ALMS1: variants seen among roughly 807,000 people sequenced by gnomAD.
ALMS1 encodes the protein centrosome-associated protein ALMS1.
ALMS1 carries 271 observed loss-of-function variants against 352.2 expected under a neutral mutation model. That is an observed-to-expected ratio of 0.77 (90% CI 0.70 to 0.85). ALMS1 has a LOEUF of 0.85. Ranked by LOEUF, ALMS1 falls within the 40% of genes least tolerant of loss-of-function variation. The pLI is 0.00. For synonymous variants in ALMS1, 1,865 were observed against 1,761.2 expected (o/e 1.06, Z -1.48); for missense variants, 5,445 against 4,870.7 (o/e 1.12, Z -3.51).
At chr2:73,491,814 T>C (rs187362865) in intron 10 of ALMS1, among the ~76,000 whole-genome samples, 64 of 152,352 alleles carry the variant, frequency 4.2e-4, no homozygotes, top group African/African-American at 1.5e-3. Flanking sequence ...GTTGGACATA[T>C]GCTGAAGATC....
intron 7 of ALMS1, among the ~76,000 whole-genome samples, chr2:73,444,947 A>G (rs1671778315): frequency 6.6e-6 from 1 of 152,166 alleles, no homozygotes; most frequent in South Asian, 2.1e-4. Flanking sequence ...TAAAAATGAT[A>G]TAGTAATTAA....
At chr2:73,401,635 C>T (rs998932031) in intron 1 of ALMS1, among the ~76,000 whole-genome samples, 1 of 148,922 alleles carries the variant, frequency 6.7e-6, no homozygotes, top group African/African-American at 2.5e-5. Flanking sequence ...AAATGGTTGC[C>T]ATAGTCAAGC....
At position 73,396,708 on chromosome 2, in the gene ALMS1, G is replaced by T. The variant is rs534491676; in HGVS notation, c.324+10516G>T. ...GCACAGGCTGGGGGTGCAGTGGCGC[G>T]ATCTCAGCTCACTGCAAGCTCCGCC... is the stretch of plus-strand genomic sequence containing the variant. On this transcript the variant is annotated intron_variant, in intron 1 of 22. Coordinates refer to ENST00000613296, the MANE Select transcript of ALMS1 (RefSeq NM_001378454.1). Among the ~76,000 whole-genome samples the T allele has an allele frequency of 4.6e-3, 694 of 149,610 alleles. 3 individuals carry two copies. The highest frequency in any genetic ancestry group is 1.0e-2 in the South Asian group (47 of 4,722).
chr2:73,519,962 A>G lies in ALMS1; in HGVS notation c.9727A>G (p.Lys3243Glu), dbSNP rs1459483564. The stretch of plus-strand genomic sequence containing the variant: ...CCAGAAGCTACGCAAAGCTCCTGTC[A>G]AGTTTGCCTCATCATCTTCAGTCCA... ...GNQKLRKAPVKFASSSSVQQV... is the reference protein window; with the variant it reads ...GNQKLRKAPVEFASSSSVQQV... The change falls in exon 11 of 23, where the codon AAG (lysine) becomes GAG (glutamate). Residue 3243 changes from lysine (K) to glutamate (E), a missense_variant. Transcript: ENST00000613296. 1 of 1,614,106 alleles carries G rather than the reference A, an allele frequency of 6.2e-7. No individual in the cohort carries two copies. The highest frequency in any genetic ancestry group is 1.7e-5 in the Admixed American group (1 of 60,026).
At chr2:73,588,074 T>A (rs527471613) in intron 16 of ALMS1, among the ~76,000 whole-genome samples, 3 of 152,200 alleles carry the variant, frequency 2.0e-5, no homozygotes, top group African/African-American at 7.2e-5. Flanking sequence ...GATTCACAGC[T>A]GAATTCTATC....
At chr2:73,499,168 G>C (rs1372161043) in intron 10 of ALMS1, among the ~76,000 whole-genome samples, 1 of 152,038 alleles carries the variant, frequency 6.6e-6, no homozygotes, top group Non-Finnish European at 1.5e-5. Flanking sequence ...TCTCATTGTA[G>C]TTTTTAGTTT....
chr2:73,567,793 T>C (rs1445499572), intron 15 of ALMS1, among the ~76,000 whole-genome samples: 1 of 152,188 alleles, frequency 6.6e-6, no homozygotes, highest in Non-Finnish European at 1.5e-5. Context: ...AAGTTCTGGT[T>C]TTCTGACTTT....
chr2:73,485,977 A>G (rs960190257), intron 9 of ALMS1, among the ~76,000 whole-genome samples: 29 of 151,640 alleles, frequency 1.9e-4, no homozygotes, highest in Admixed American at 1.8e-3. Flanking sequence ...ACTGTCTGGC[A>G]CTCCCTAGTT....
At chr2:73,568,191 G>T (rs193061684) in intron 15 of ALMS1, among the ~76,000 whole-genome samples, 29 of 152,164 alleles carry the variant, frequency 1.9e-4, no homozygotes, top group African/African-American at 6.0e-4. Context: ...CAGATGAAAA[G>T]ATTTGATTAT....
intron 1 of ALMS1, among the ~76,000 whole-genome samples, chr2:73,386,902 C>G (rs1203023118): frequency 2.0e-5 from 3 of 152,132 alleles, no homozygotes; most frequent in Non-Finnish European, 2.9e-5. Flanking sequence ...TACTGCTTTT[C>G]GAGGAGCAAG....
chr2:73,464,699 G>A lies in ALMS1; in HGVS notation c.7674+9404G>A, dbSNP rs370011485. Reference sequence around the variant, plus strand: ...CATGATTGTATATCTAGAAAACCCCGTTGTCTCAGCCCAAAATCTCCTTAA... The same window carrying A: ...CATGATTGTATATCTAGAAAACCCCATTGTCTCAGCCCAAAATCTCCTTAA... On this transcript the variant is annotated intron_variant, in intron 9 of 22. Coordinates refer to ENST00000613296, the MANE Select transcript of ALMS1 (RefSeq NM_001378454.1). 4.3e-3 allele frequency among the ~76,000 whole-genome samples: 658 copies of A among 151,986 alleles called. 2 individuals are homozygous for A. Among genetic ancestry groups the A allele is most frequent in the African/African-American group, 0.013 (546 of 41,462 alleles).
At chr2:73,492,688 A>G (rs550797535) in intron 10 of ALMS1, among the ~76,000 whole-genome samples, 7 of 152,326 alleles carry the variant, frequency 4.6e-5, no homozygotes, top group African/African-American at 1.4e-4. Context: ...AACAAGGTCA[A>G]TCTCTGATTT....
intron 7 of ALMS1, among the ~76,000 whole-genome samples, chr2:73,442,399 G>C (rs761505819): frequency 6.6e-6 from 1 of 151,990 alleles, no homozygotes; most frequent in Non-Finnish European, 1.5e-5. Flanking sequence ...AGAGTGACTT[G>C]CCCAAAGTCC....
intron 10 of ALMS1, among the ~76,000 whole-genome samples, chr2:73,517,791 G>A (rs939166397): frequency 6.6e-6 from 1 of 151,938 alleles, no homozygotes; most frequent in African/African-American, 2.4e-5. Flanking sequence ...CTGAGTAGCT[G>A]GGATTACAGG....
chr2:73,480,534 A>G (rs1672676365), intron 9 of ALMS1, among the ~76,000 whole-genome samples: 1 of 152,050 alleles, frequency 6.6e-6, no homozygotes, highest in Non-Finnish European at 1.5e-5. Flanking sequence ...CGCAATAAAC[A>G]TACGTGTGCA....
At chr2:73,432,326 T>TA in intron 7 of ALMS1, 35 bp downstream of exon 7, 1 of 1,474,038 alleles carries the variant, frequency 6.8e-7, no homozygotes, top group Non-Finnish European at 9.5e-7. Context: ...ATGTCCTACT[T>TA]ACGGATACCT....
At chr2:73,431,224 A>C (rs1671493383) in intron 6 of ALMS1, among the ~76,000 whole-genome samples, 1 of 152,186 alleles carries the variant, frequency 6.6e-6, no homozygotes, top group Non-Finnish European at 1.5e-5. Context: ...CAAAATCTTC[A>C]CAAGTTGAAA....
rs1463648060 is a variant in ALMS1, at chr2:73,451,111, A to C, written c.4584A>C (p.Ala1528=). Residue 1528 remains alanine (A), a synonymous_variant, in exon 8 of 23, where the codon GCA becomes GCC. Coordinates refer to ENST00000613296, the MANE Select transcript of ALMS1 (RefSeq NM_001378454.1). ...ITSPSYSQHR[A]KSGSFYQLAL... ...CTCCTTCCTACTCACAACATAGAGC[A>C]AAGTCTGGCAGTTTCTACCAACTGG... is the stretch of plus-strand genomic sequence containing the variant. 4 of 1,613,442 alleles carry C rather than the reference A, an allele frequency of 2.5e-6. No individual in the cohort carries two copies. In the East Asian group the frequency reaches 8.9e-5, roughly 36 times the overall value.
At chr2:73,493,326 A>G (rs1173114727) in intron 10 of ALMS1, among the ~76,000 whole-genome samples, 3 of 151,172 alleles carry the variant, frequency 2.0e-5, no homozygotes, top group African/African-American at 7.3e-5. Context: ...CAAACTCCAC[A>G]GTCCATAAAT....
Sources: gnomAD v4.1 joint callset for allele counts (sites outside exome capture counted in the v4.1 genomes callset) on GRCh38, gnomAD v4.1.1 for gene constraint, MANE v1.5 for transcripts, NCBI Gene and HGNC (gene_info 2026-07-23, HGNC 2026-07-21) for gene names.